RASAL2: variants seen among roughly 807,000 people sequenced by gnomAD.
RASAL2 encodes the protein ras GTPase-activating protein nGAP.
A neutral mutation model predicts 128.9 loss-of-function variants in RASAL2; 58 were observed. That is an observed-to-expected ratio of 0.45 (90% CI 0.36 to 0.56). The LOEUF (loss-of-function observed/expected upper bound fraction) is 0.56, where lower values mean the gene tolerates loss of function less well. RASAL2 is among the 20% of genes least tolerant of loss of function. The pLI, the probability that RASAL2 is intolerant of heterozygous loss-of-function variation, is 0.00. For missense variants in RASAL2, 1,360 were observed against 1,601.6 expected (o/e 0.85, Z 2.57); for synonymous variants, 561 against 580.8 (o/e 0.97, Z 0.49).
chr1:178,194,133 A>AT (rs770651087), intron 1 of RASAL2, among the ~76,000 whole-genome samples: 59 of 152,330 alleles, frequency 3.9e-4, no homozygotes, highest in Non-Finnish European at 7.3e-4. Flanking sequence ...AACAAGAACT[A>AT]TCACCCATCC....
chr1:178,094,846 G>A (rs934874348), intron 1 of RASAL2, 152 bp downstream of exon 1: 3 of 957,348 alleles, frequency 3.1e-6, no homozygotes, highest in Non-Finnish European at 1.5e-6. Flanking sequence ...TTTCTGACAA[G>A]TTTCTTCAGA....
chr1:178,283,974 C>T (rs1287782003), intron 2 of RASAL2, among the ~76,000 whole-genome samples: 1 of 152,010 alleles, frequency 6.6e-6, no homozygotes, highest in Non-Finnish European at 1.5e-5. Context: ...TAGGCCTGGC[C>T]CTGCAAATGA....
intron 17 of RASAL2, among the ~76,000 whole-genome samples, chr1:178,471,432 C>G (rs1054136751): frequency 2.0e-5 from 3 of 152,076 alleles, no homozygotes; most frequent in Non-Finnish European, 2.9e-5. Context: ...AGCCTTGCAG[C>G]TCTTTCCTTT....
chr1:178,250,903 G>T (rs912681539), intron 1 of RASAL2, among the ~76,000 whole-genome samples: 3 of 152,076 alleles, frequency 2.0e-5, no homozygotes, highest in African/African-American at 7.2e-5. Flanking sequence ...AGTCACAGGG[G>T]TACTGTGAGG....
chr1:178,319,497 T>G (rs1364289085), intron 3 of RASAL2, among the ~76,000 whole-genome samples: 13 of 150,682 alleles, frequency 8.6e-5, no homozygotes, highest in Non-Finnish European at 2.9e-5. Context: ...TCATTTCTTT[T>G]TATTCTTTTT....
intron 9 of RASAL2, among the ~76,000 whole-genome samples, chr1:178,447,588 T>C (rs895508211): frequency 6.8e-6 from 1 of 146,434 alleles, no homozygotes; most frequent in South Asian, 2.1e-4. Context: ...GGAGAATTGC[T>C]TGAACCAGAG....
intron 12 of RASAL2, 94 bp from the exon 13 acceptor site, chr1:178,456,627 C>A (rs1677792518): frequency 3.8e-6 from 5 of 1,327,392 alleles, no homozygotes; most frequent in Admixed American, 1.7e-5. Flanking sequence ...CCAACCTACA[C>A]CCCTCCATCA....
chr1:178,197,600 C>G (rs1662703752), intron 1 of RASAL2, among the ~76,000 whole-genome samples: 1 of 144,180 alleles, frequency 6.9e-6, no homozygotes, highest in African/African-American at 2.7e-5. Context: ...CAGAGCTAGA[C>G]TCCATCTGGG....
chr1:178,376,891 C>CT (rs562490790), intron 3 of RASAL2, among the ~76,000 whole-genome samples: 182 of 152,154 alleles, frequency 1.2e-3, no homozygotes, highest in African/African-American at 4.1e-3. Flanking sequence ...TCAGATCCAG[C>CT]TTTTTTTCCC....
At chr1:178,394,660 C>T (rs2102624625) in intron 4 of RASAL2, among the ~76,000 whole-genome samples, 2 of 152,252 alleles carry the variant, frequency 1.3e-5, no homozygotes, top group South Asian at 4.1e-4. Context: ...TAACACAATA[C>T]AGTTGCAGCT....
At chr1:178,379,417 A>G (rs891248318) in intron 3 of RASAL2, among the ~76,000 whole-genome samples, 1 of 146,602 alleles carries the variant, frequency 6.8e-6, no homozygotes, top group South Asian at 2.4e-4. Context: ...AGGGGAGGGG[A>G]GGGAAGGAAG....
chr1:178,445,048 G>A (rs1676904450), intron 8 of RASAL2, among the ~76,000 whole-genome samples: 1 of 151,592 alleles, frequency 6.6e-6, no homozygotes, highest in South Asian at 2.1e-4. Context: ...GAAATGATGT[G>A]TGAACTAAAA....
chr1:178,467,097 A>G (rs895333016), intron 16 of RASAL2, among the ~76,000 whole-genome samples: 1 of 152,176 alleles, frequency 6.6e-6, no homozygotes, highest in Admixed American at 6.6e-5. Context: ...AATCTGAGAG[A>G]GAAGAGGGAG....
intron 1 of RASAL2, among the ~76,000 whole-genome samples, chr1:178,210,938 A>G (rs1261734719): frequency 6.6e-6 from 1 of 152,066 alleles, no homozygotes; most frequent in Admixed American, 6.5e-5. Context: ...CTCTTTACAA[A>G]TCTCATTTAC....
intron 1 of RASAL2, among the ~76,000 whole-genome samples, chr1:178,241,704 G>A (rs976912937): frequency 1.3e-5 from 2 of 152,202 alleles, no homozygotes; most frequent in Non-Finnish European, 2.9e-5. Context: ...GCAAAGGTGT[G>A]CAGATGACAT....
At chr1:178,100,378 TAGC>T (rs1658848136) in intron 1 of RASAL2, among the ~76,000 whole-genome samples, 3 of 146,790 alleles carry the variant, frequency 2.0e-5, no homozygotes, top group African/African-American at 7.5e-5. Flanking sequence ...AAAAAAAAAT[TAGC>T]AGGGCATGGT....
At chr1:178,365,056 C>T (rs1671326908) in intron 3 of RASAL2, among the ~76,000 whole-genome samples, 2 of 141,494 alleles carry the variant, frequency 1.4e-5, no homozygotes, top group South Asian at 4.2e-4. Context: ...CTGTTGACTA[C>T]CTTGCTTTTT....
intron 1 of RASAL2, among the ~76,000 whole-genome samples, chr1:178,242,423 T>TTCTCTCTCTCTC (rs58914415): frequency 1.2e-5 from 1 of 85,174 alleles, no homozygotes; most frequent in Non-Finnish European, 2.4e-5. Context: ...TTATAATTCA[T>TTCTCTCTCTCTC]TCTCTCTCTC....
At chr1:178,373,274 C>CTTTTTTTTTTTTCTTTTTTTTTTTTTTT (rs1671815308) in intron 3 of RASAL2, among the ~76,000 whole-genome samples, 2 of 60,072 alleles carry the variant, frequency 3.3e-5, no homozygotes, top group Non-Finnish European at 6.0e-5. Context: ...TGTTTCTTTC[C>CTTTTTTTTTTTTCTTTTTTTTTTTTTTT]TTTTTTTTTT....
Sources: allele counts gnomAD v4.1 joint callset (sites outside exome capture counted in the v4.1 genomes callset), GRCh38; gene constraint gnomAD v4.1.1; transcripts MANE v1.5; gene names NCBI Gene and HGNC (gene_info 2026-07-23, HGNC 2026-07-21).